Variants in MXI1 observed in about 807,000 individuals in gnomAD.
The protein encoded by MXI1 is MAX interactor 1, dimerization protein.
In MXI1, 18 loss-of-function variants were observed where a neutral mutation model predicts 36.9. The observed-to-expected ratio is 0.49, with a 90% CI of 0.34 to 0.72. The LOEUF (loss-of-function observed/expected upper bound fraction) is 0.72, where lower values mean the gene tolerates loss of function less well. Among genes scored for constraint, MXI1 ranks in the 30% least tolerant of loss-of-function variants. MXI1 has a pLI of 0.01. For synonymous variants in MXI1, 160 were observed against 146.7 expected, an observed-to-expected ratio of 1.09 and a Z score of -0.65; for missense variants, 304 against 379.1, an observed-to-expected ratio of 0.80 and a Z score of 1.64.
intron 3 of MXI1, among the ~76,000 whole-genome samples, chr10:110,248,846 G>A (rs932751017): frequency 6.6e-6 from 1 of 151,804 alleles, no homozygotes; most frequent in African/African-American, 2.4e-5. Flanking sequence ...TTTTTAAAAG[G>A]GATTTTTATC....
At chr10:110,250,150 T>C (rs1469405931) in intron 3 of MXI1, among the ~76,000 whole-genome samples, 1 of 152,118 alleles carries the variant, frequency 6.6e-6, no homozygotes, top group Non-Finnish European at 1.5e-5. Context: ...ATTCAGATTT[T>C]TTTCTTGGAT....
intron 1 of MXI1, among the ~76,000 whole-genome samples, chr10:110,222,259 G>T (rs1322107279): frequency 6.6e-6 from 1 of 152,186 alleles, no homozygotes; most frequent in Non-Finnish European, 1.5e-5. Flanking sequence ...CATCCTTAAA[G>T]ATAATTGCAG....
intron 3 of MXI1, among the ~76,000 whole-genome samples, chr10:110,252,516 C>T (rs1856132545): frequency 6.6e-6 from 1 of 152,226 alleles, no homozygotes; most frequent in Middle Eastern, 3.4e-3. Flanking sequence ...ATTTAGTTCT[C>T]AACTCTCAGG....
At position 110,285,067 on chromosome 10, in the gene MXI1, T is replaced by C; in HGVS notation, c.*80T>C. On this transcript the variant is annotated 3_prime_UTR_variant, in exon 6 of 6. Coordinates refer to ENST00000332674, the MANE Select transcript of MXI1 (RefSeq NM_130439.3). Reference sequence around the variant, plus strand: ...CAAACAATCTCTTAAATTGGGTTCATGATGCAGTCTCCTCTTTAAAACAAA... The same window carrying C: ...CAAACAATCTCTTAAATTGGGTTCACGATGCAGTCTCCTCTTTAAAACAAA... The C allele has an allele frequency of 7.4e-7, 1 of 1,353,938 alleles. No individual in the cohort carries two copies. The highest frequency in any genetic ancestry group is 1.0e-6 in the Non-Finnish European group (1 of 1,001,494). The allele number at this position is 1,353,938 out of a possible 1,614,324, so 83.9% of individuals were successfully genotyped here. A position where few individuals can be genotyped will look rare whatever the true frequency, so the allele number is the denominator to read the frequency against.
chr10:110,234,534 C>G (rs1855388359), intron 2 of MXI1, among the ~76,000 whole-genome samples: 1 of 152,034 alleles, frequency 6.6e-6, no homozygotes, highest in Non-Finnish European at 1.5e-5. Flanking sequence ...ATACTCAGCT[C>G]CTCCCCATAG....
At chr10:110,227,442 A>C (rs1345812197) in intron 1 of MXI1, 8 of 987,532 alleles carry the variant, frequency 8.1e-6, no homozygotes, top group Non-Finnish European at 9.6e-6. Flanking sequence ...GTGTGCGGCG[A>C]GCGGGAAGGA....
intron 5 of MXI1, among the ~76,000 whole-genome samples, chr10:110,281,458 C>A (rs1403172454): frequency 6.6e-6 from 1 of 152,042 alleles, no homozygotes; most frequent in East Asian, 1.9e-4. Context: ...AATCAGGATC[C>A]AAAGGCCACA....
chr10:110,237,481 G>T (rs1855514145), intron 2 of MXI1, among the ~76,000 whole-genome samples: 1 of 152,076 alleles, frequency 6.6e-6, no homozygotes, highest in Non-Finnish European at 1.5e-5. Flanking sequence ...TAATATGGAG[G>T]ATTACATTGA....
chr10:110,242,567 C>G (rs540896636), intron 2 of MXI1, among the ~76,000 whole-genome samples: 48 of 151,970 alleles, frequency 3.2e-4, no homozygotes, highest in African/African-American at 1.2e-3. Context: ...ATGTGGCATG[C>G]ATTTCCTGGT....
chr10:110,255,181 C>G (rs1169474128), intron 3 of MXI1, among the ~76,000 whole-genome samples: 1 of 152,128 alleles, frequency 6.6e-6, no homozygotes, highest in African/African-American at 2.4e-5. Flanking sequence ...ATTCTAGGCC[C>G]TTAAGAATGA....
At chr10:110,261,429 A>AT (rs754963291) in intron 3 of MXI1, among the ~76,000 whole-genome samples, 29,004 of 141,236 alleles carry the variant, frequency 0.21, 3,453 homozygotes, top group African/African-American at 0.35. Flanking sequence ...TATTCAAACC[A>AT]TTTTTTTTTT....
At chr10:110,281,183 A>G (rs1315878889) in intron 5 of MXI1, among the ~76,000 whole-genome samples, 2 of 152,340 alleles carry the variant, frequency 1.3e-5, no homozygotes, top group South Asian at 2.1e-4. Flanking sequence ...ATAGCTGTCA[A>G]CTTGTTTCAT....
At chr10:110,238,019 G>GA (rs1855532970) in intron 2 of MXI1, among the ~76,000 whole-genome samples, 1 of 152,112 alleles carries the variant, frequency 6.6e-6, no homozygotes, top group African/African-American at 2.4e-5. Flanking sequence ...AGAGAGAGAG[G>GA]TCTGGGAGGA....
intron 5 of MXI1, among the ~76,000 whole-genome samples, chr10:110,284,438 A>C (rs1857371985): frequency 1.3e-5 from 2 of 152,198 alleles, no homozygotes; most frequent in East Asian, 3.8e-4. Context: ...CCACCCTTTA[A>C]GGCAACCCTG....
chr10:110,219,723 A>G (rs759669174), intron 1 of MXI1, among the ~76,000 whole-genome samples: 3 of 152,246 alleles, frequency 2.0e-5, no homozygotes, highest in Non-Finnish European at 4.4e-5. Flanking sequence ...GAGGGCTGGA[A>G]TATAAGCACA....
At chr10:110,227,579 T>TG (rs143664187) in intron 1 of MXI1, 36,504 of 611,106 alleles carry the variant, frequency 0.06, 1,601 homozygotes, top group Admixed American at 0.39. Context: ...ACACGGATGC[T>TG]GGGGGGGGTC....
At chr10:110,244,794 A>G in intron 2 of MXI1, 34 bp from the exon 3 acceptor site, 2 of 1,557,386 alleles carry the variant, frequency 1.3e-6, no homozygotes, top group Non-Finnish European at 8.7e-7. Flanking sequence ...GCAACAAAGC[A>G]TGGCTAATGC....
At chr10:110,242,995 G>T (rs1307108328) in intron 2 of MXI1, among the ~76,000 whole-genome samples, 1 of 151,854 alleles carries the variant, frequency 6.6e-6, no homozygotes, top group African/African-American at 2.4e-5. Context: ...CTCACCAGTG[G>T]GGGTGGGGAA....
chr10:110,229,211 A>G lies in MXI1; in HGVS notation c.407+890A>G, dbSNP rs1370231217. On this transcript the variant is annotated intron_variant, in intron 2 of 5. Coordinates refer to ENST00000332674, the MANE Select transcript of MXI1 (RefSeq NM_130439.3). ...AAGTTTTCAAAAGGCCTTTCTTAAC[A>G]GAAGATTAACAGATGGCTGCCTTTT... 2.0e-5 allele frequency among the ~76,000 whole-genome samples: 3 copies of G among 152,380 alleles called. No homozygotes were observed. In the East Asian group the frequency reaches 5.8e-4, roughly 29 times the overall value.
Sources: allele counts gnomAD v4.1 joint callset (sites outside exome capture counted in the v4.1 genomes callset), GRCh38; gene constraint gnomAD v4.1.1; transcripts MANE v1.5; gene names NCBI Gene and HGNC (gene_info 2026-07-23, HGNC 2026-07-21).